PLEKHG4B: variants seen among roughly 807,000 people sequenced by gnomAD.
PLEKHG4B encodes the protein pleckstrin homology and RhoGEF domain containing G4B, also known as pleckstrin homology domain-containing family G member 4B.
In PLEKHG4B, 111 loss-of-function variants were observed where a neutral mutation model predicts 121.3. That is an observed-to-expected ratio of 0.92 (90% CI 0.78 to 1.07). The LOEUF (loss-of-function observed/expected upper bound fraction) is 1.07. PLEKHG4B is among the 50% of genes least tolerant of loss of function. PLEKHG4B has a pLI of 0.00. For synonymous variants in PLEKHG4B, 738 were observed against 725.0 expected (o/e 1.02, Z -0.29); for missense variants, 1,831 against 1,757.8 (o/e 1.04, Z -0.74).
intron 7 of PLEKHG4B, 72 bp from the exon 8 acceptor site, chr5:154,803 T>G: frequency 4.3e-6 from 5 of 1,167,658 alleles, no homozygotes; most frequent in Non-Finnish European, 6.4e-6. Flanking sequence ...AACCCAGGAA[T>G]GAGCCATTTA....
At chr5:135,682 AATATATATATATATATATAT>A (rs70955207) in intron 2 of PLEKHG4B, among the ~76,000 whole-genome samples, 7 of 19,614 alleles carry the variant, frequency 3.6e-4, no homozygotes, top group South Asian at 3.0e-3. Flanking sequence ...AAAAAAAAAA[AATATATATATATATATATAT>A]ATATATATAT....
rs61212392 is a variant in PLEKHG4B at position 92,311 on chromosome 5, G to A, written c.45+35G>A. 11 of 57,238 alleles carry A rather than the reference G, an allele frequency of 1.9e-4. 1 individual carries two copies. In the East Asian group the frequency reaches 2.6e-3, roughly 14 times the overall value. The allele number at this position is 57,238 out of a possible 1,614,324, so 3.5% of individuals were successfully genotyped here. A position where few individuals can be genotyped will look rare whatever the true frequency, so the allele number is the denominator to read the frequency against. ...GGCACGGGGACTGCGGCGGGTGGGG[G>A]CGCGAGCGGACGCGGGAGTAGGGGC... On this transcript the variant is annotated intron_variant, in intron 1 of 19. Transcript: ENST00000637938.
In PLEKHG4B at chr5:156,042, A is replaced by G; in HGVS notation, c.2209-29A>G. ...GACCTGCCCCTTGGAGGAGGGAGTTAAAGGCTTATTCCTCCCCATCCCGTG... is the reference window on the plus strand; with the variant it reads ...GACCTGCCCCTTGGAGGAGGGAGTTGAAGGCTTATTCCTCCCCATCCCGTG... On this transcript the variant is annotated intron_variant, in intron 9 of 19. Coordinates refer to ENST00000637938, the MANE Select transcript of PLEKHG4B (RefSeq NM_052909.5). This position sits in a 1 kb window ranked among gnomAD's most constrained non-coding sequence, Gnocchi z 4.4. 4 of 1,535,052 alleles carry G rather than the reference A, an allele frequency of 2.6e-6. No homozygotes were observed. Among genetic ancestry groups the G allele is most frequent in the Non-Finnish European group, 3.5e-6 (4 of 1,137,192 alleles).
intron 1 of PLEKHG4B, among the ~76,000 whole-genome samples, chr5:107,815 G>A (rs952197566): frequency 6.6e-6 from 1 of 152,320 alleles, no homozygotes; most frequent in Non-Finnish European, 1.5e-5. Context: ...AGAGCAGCTA[G>A]CATCACCACC....
At chr5:162,574 GC>G in intron 12 of PLEKHG4B, 147 bp from the exon 13 acceptor site, 1 of 546,924 alleles carries the variant, frequency 1.8e-6, no homozygotes, top group South Asian at 6.4e-5. Flanking sequence ...CCCGGCCACA[GC>G]CCCCACTGGG....
At chr5:118,009 C>T (rs977041783) in intron 2 of PLEKHG4B, among the ~76,000 whole-genome samples, 1 of 151,866 alleles carries the variant, frequency 6.6e-6, no homozygotes, top group Admixed American at 6.6e-5. Flanking sequence ...CAGAATAAAG[C>T]CATGGGAAGT....
rs542135895 is a variant in PLEKHG4B, at chr5:185,247, G to A, written c.*2924G>A. The A allele has an allele frequency of 6.6e-6, 1 of 152,368 alleles. No homozygotes were observed. Among genetic ancestry groups the A allele is most frequent in the African/African-American group, 2.4e-5 (1 of 41,568 alleles). 9.4% of individuals were successfully genotyped at this position (152,368 alleles called of 1,614,324 possible). ...TCACAGCAAACACAAGCAGGGCGCA[G>A]GACGCCGGCAAGCCACAGACAGGCC... On this transcript the variant is annotated 3_prime_UTR_variant, in exon 20 of 20. Transcript: ENST00000637938.
chr5:151,664 G>A, intron 7 of PLEKHG4B, 65 bp downstream of exon 7: 1 of 1,068,732 alleles, frequency 9.4e-7, no homozygotes, highest in South Asian at 1.5e-5. Context: ...ACCTAGATGA[G>A]ATGAAACACA....
chr5:173,234 C>T (rs1347365713), intron 17 of PLEKHG4B, among the ~76,000 whole-genome samples, 167 bp downstream of exon 17: 1 of 152,192 alleles, frequency 6.6e-6, no homozygotes, highest in Non-Finnish European at 1.5e-5. Flanking sequence ...TTCTTGAAAA[C>T]GTTAGCCTTC....
Position 188,105 on chromosome 5 carries a change from T to C in PLEKHG4B, c.*5782T>C, listed in dbSNP as rs1237507799. 6.6e-6 allele frequency: 1 copy of C among 152,428 alleles called. No individual in the cohort carries two copies. Among genetic ancestry groups the C allele is most frequent in the Non-Finnish European group, 1.5e-5 (1 of 68,212 alleles). 9.4% of individuals were successfully genotyped at this position (152,428 alleles called of 1,614,324 possible). ...CTCAGGGCCACTGCCAGAGGACGGA[T>C]TCTGCTGCCAACCAGAGGTCCTGGG... On this transcript the variant is annotated 3_prime_UTR_variant, in exon 20 of 20. Coordinates refer to ENST00000637938, the MANE Select transcript of PLEKHG4B (RefSeq NM_052909.5).
chr5:152,350 G>A (rs1735634741), intron 7 of PLEKHG4B, among the ~76,000 whole-genome samples: 1 of 151,272 alleles, frequency 6.6e-6, no homozygotes, highest in Non-Finnish European at 1.5e-5. Flanking sequence ...AACTGGGACT[G>A]AAGGTGTGCA....
intron 6 of PLEKHG4B, among the ~76,000 whole-genome samples, chr5:146,681 T>A: frequency 2.9e-5 from 2 of 67,810 alleles, no homozygotes; most frequent in Non-Finnish European, 2.8e-5. Flanking sequence ...CCTCCTCTCC[T>A]CCCCCACAGT....
At chr5:173,422 TG>T (rs2126458213) in intron 17 of PLEKHG4B, among the ~76,000 whole-genome samples, 1 of 152,078 alleles carries the variant, frequency 6.6e-6, no homozygotes, top group South Asian at 2.1e-4. Flanking sequence ...TGCACCACGT[TG>T]GGCAGGTTCC....
chr5:150,505 T>C (rs1438710482), intron 6 of PLEKHG4B, among the ~76,000 whole-genome samples: 1 of 152,160 alleles, frequency 6.6e-6, no homozygotes, highest in Non-Finnish European at 1.5e-5. Flanking sequence ...ATGATAGTGT[T>C]TCACCACAAT....
At chr5:162,174 C>T (rs900066801) in intron 12 of PLEKHG4B, among the ~76,000 whole-genome samples, 3 of 152,256 alleles carry the variant, frequency 2.0e-5, no homozygotes, top group Non-Finnish European at 2.9e-5. Flanking sequence ...CGAACACACA[C>T]ATTTCTCTGT....
chr5:135,684 T>A (rs1158620752), intron 2 of PLEKHG4B, among the ~76,000 whole-genome samples: 998 of 24,762 alleles, frequency 0.04, 10 homozygotes, highest in African/African-American at 0.08. Context: ...AAAAAAAAAA[T>A]ATATATATAT....
intron 1 of PLEKHG4B, among the ~76,000 whole-genome samples, chr5:92,512 GCA>G (rs2126319625): frequency 1.7e-5 from 2 of 116,614 alleles, no homozygotes; most frequent in African/African-American, 3.4e-5. Context: ...GAAGGCGCGA[GCA>G]TCAAGGCGGG....
In PLEKHG4B at chr5:142,273, G is replaced by A. The variant is rs548983105; in HGVS notation, c.1478-774G>A. Among the ~76,000 whole-genome samples the A allele has an allele frequency of 1.3e-3, 191 of 152,176 alleles. 1 individual carries two copies. Among genetic ancestry groups the A allele is most frequent in the African/African-American group, 4.5e-3 (187 of 41,490 alleles). ...CTTCCCTGTTGTACTGGGCAGAAAA[G>A]ACACACACAATCTTGCAGCACCCCT... On this transcript the variant is annotated intron_variant, in intron 3 of 19. Transcript: ENST00000637938.
intron 1 of PLEKHG4B, among the ~76,000 whole-genome samples, chr5:94,590 G>C (rs1733576057): frequency 6.6e-6 from 1 of 151,846 alleles, no homozygotes. Flanking sequence ...ATGAGTGGCT[G>C]GCGGGGCTGG....
Sources: gnomAD v4.1 joint callset for allele counts (sites outside exome capture counted in the v4.1 genomes callset) on GRCh38, gnomAD v4.1.1 for gene constraint, Gnocchi (gnomAD v3.1) non-coding constraint, MANE v1.5 for transcripts, NCBI Gene and HGNC (gene_info 2026-07-23, HGNC 2026-07-21) for gene names.